The following CDHR2 variants were observed in gnomAD, a reference collection of about 807,000 sequenced individuals.
The protein encoded by CDHR2 is cadherin-related family member 2.
A neutral mutation model predicts 138.6 loss-of-function variants in CDHR2; 104 were observed. The observed-to-expected ratio is 0.75, with a 90% CI of 0.64 to 0.88. The LOEUF (loss-of-function observed/expected upper bound fraction) is 0.88, where lower values mean the gene tolerates loss of function less well. Among genes scored for constraint, CDHR2 ranks in the 40% least tolerant of loss-of-function variants. The probability of loss-of-function intolerance (pLI) is 0.00; values close to 1 mark genes in which losing one functional copy is unlikely to be tolerated. For missense variants in CDHR2, 1,624 were observed against 1,727.6 expected (o/e 0.94, Z 1.06); for synonymous variants, 755 against 742.8 (o/e 1.02, Z -0.27).
chr5:176,564,246 C>T lies in CDHR2; in HGVS notation c.-15-1092C>T, dbSNP rs185824884. Among the ~76,000 whole-genome samples, 131 of 152,176 alleles carry T rather than the reference C, an allele frequency of 8.6e-4. 1 individual carries two copies. Among genetic ancestry groups the T allele is most frequent in the African/African-American group, 3.0e-3 (124 of 41,520 alleles). On this transcript the variant is annotated intron_variant, in intron 1 of 31. Coordinates refer to ENST00000261944, the MANE Select transcript of CDHR2 (RefSeq NM_017675.6). ...TGTCTCCCAGGCTGGAATGCGATGG[C>T]GTGATCTCATCTCACTGCAACTTCC...
chr5:176,584,701 C>T lies in CDHR2; in HGVS notation c.2420C>T (p.Thr807Ile), dbSNP rs746641781. 14 of 1,614,188 alleles carry T rather than the reference C, an allele frequency of 8.7e-6. No homozygotes were observed. The South Asian group carries it at 8.8e-5, about 10-fold the overall frequency. ...NVKDVNDNPP[T>I]LDVASLRGIR... Reference sequence around the variant, plus strand: ...AAAGACGTGAACGACAATCCCCCCACCCTGGATGTAGCCTCACTCCGGGGC... The same window carrying T: ...AAAGACGTGAACGACAATCCCCCCATCCTGGATGTAGCCTCACTCCGGGGC... The change falls in exon 19 of 32, where the codon ACC (threonine) becomes ATC (isoleucine). Residue 807 changes from threonine to isoleucine, a missense_variant. Around this residue, in one of 3 missense-constraint regions of CDHR2, gnomAD observed 1,061 missense variants for 1,136.6 expected, o/e 0.93. Transcript: ENST00000261944.
intron 1 of CDHR2, among the ~76,000 whole-genome samples, chr5:176,563,374 G>A (rs958729932): frequency 2.6e-5 from 4 of 151,988 alleles, no homozygotes; most frequent in African/African-American, 7.2e-5. Context: ...AAAAGGCTGC[G>A]GTTATGGCTG....
intron 1 of CDHR2, among the ~76,000 whole-genome samples, chr5:176,554,727 C>T (rs1408957234): frequency 3.3e-5 from 5 of 152,214 alleles, no homozygotes; most frequent in Non-Finnish European, 5.9e-5. Flanking sequence ...GTGGCACGAT[C>T]TCGGCTCACT....
At chr5:176,595,467 C>T in intron 31 of CDHR2, 65 bp from the exon 32 acceptor site, 1 of 1,484,782 alleles carries the variant, frequency 6.7e-7, no homozygotes, top group Non-Finnish European at 9.0e-7. Context: ...ATCCACTCCC[C>T]TAGGGCCTGG....
intron 6 of CDHR2, among the ~76,000 whole-genome samples, chr5:176,572,161 A>C (rs560844240): frequency 1.3e-5 from 2 of 151,136 alleles, no homozygotes; most frequent in Non-Finnish European, 2.9e-5. Flanking sequence ...AGGTGGGCGG[A>C]TCACCTGAGG....
At position 176,576,859 on chromosome 5, in the gene CDHR2, G is replaced by A. The variant is rs1275469576; in HGVS notation, c.1195-540G>A. The stretch of plus-strand genomic sequence containing the variant: ...CCCAAAGTGCTGGGATTGCAGGCGT[G>A]AGCCACCGCGCCCAGCCATGGGAGG... On this transcript the variant is annotated intron_variant, in intron 12 of 31. Coordinates refer to ENST00000261944, the MANE Select transcript of CDHR2 (RefSeq NM_017675.6). The surrounding 1 kb of genome is among the most constrained non-coding windows in gnomAD (Gnocchi z 4.5). Among the ~76,000 whole-genome samples the A allele has an allele frequency of 2.0e-5, 3 of 152,170 alleles. No individual in the cohort carries two copies. The highest frequency in any genetic ancestry group is 4.4e-5 in the Non-Finnish European group (3 of 68,040).
chr5:176,550,385 A>G (rs1561863829), intron 1 of CDHR2, among the ~76,000 whole-genome samples: 1 of 151,754 alleles, frequency 6.6e-6, no homozygotes, highest in Non-Finnish European at 1.5e-5. Context: ...CGTGGCGGGG[A>G]GCTGCGTGCT....
At chr5:176,589,836 C>T (rs574714851) in intron 24 of CDHR2, among the ~76,000 whole-genome samples, 1 of 152,280 alleles carries the variant, frequency 6.6e-6, no homozygotes, top group Admixed American at 6.5e-5. Context: ...ACAAGGCTGC[C>T]GTGTACAGTT....
intron 31 of CDHR2, 116 bp downstream of exon 31, chr5:176,592,896 C>A (rs1758923778): frequency 2.3e-6 from 2 of 885,092 alleles, no homozygotes; most frequent in Admixed American, 1.9e-5. Flanking sequence ...TTCTCTGCAC[C>A]AGGCCCCAGG....
upstream of CDHR2, among the ~76,000 whole-genome samples, chr5:176,544,391 TTTTC>T (rs1294518014): frequency 5.3e-5 from 8 of 151,794 alleles, no homozygotes; most frequent in African/African-American, 1.2e-4. Flanking sequence ...TTCTTCCTTT[TTTTC>T]TTTCTTCTAT....
intron 1 of CDHR2, among the ~76,000 whole-genome samples, chr5:176,559,750 G>C (rs1757923909): frequency 6.6e-6 from 1 of 151,986 alleles, no homozygotes; most frequent in Admixed American, 6.6e-5. Context: ...TGTCAACTAG[G>C]GGTGATCTTA....
intron 1 of CDHR2, among the ~76,000 whole-genome samples, chr5:176,560,468 C>G (rs1380030276): frequency 6.6e-6 from 1 of 151,862 alleles, no homozygotes; most frequent in Non-Finnish European, 1.5e-5. Context: ...GGGGAGCAGA[C>G]ATAGTCCTCA....
intron 30 of CDHR2, among the ~76,000 whole-genome samples, chr5:176,592,451 CGGT>C (rs1197622799): frequency 1.1e-4 from 6 of 54,522 alleles, no homozygotes; most frequent in East Asian, 5.3e-4. Context: ...TGGATGATGA[CGGT>C]GGTGGTGGTG....
chr5:176,592,738 C>T lies in CDHR2; in HGVS notation c.3750C>T (p.Asp1250=), dbSNP rs139924459. 5.1e-5 allele frequency: 82 copies of T among 1,613,650 alleles called. No individual in the cohort carries two copies. Among genetic ancestry groups the T allele is most frequent in the African/African-American group, 2.0e-4 (15 of 74,826 alleles). Reference sequence around the variant, plus strand: ...TCTCTTACAGCGTCAACTCCCTGGACGACAACTCTGTGGATGTGGACAAGA... The same window carrying T: ...TCTCTTACAGCGTCAACTCCCTGGATGACAACTCTGTGGATGTGGACAAGA... ...DLDSVSVNSL[D]DNSVDVDKNS... is the part of the protein sequence containing the mutation. The change falls in exon 31 of 32, where the codon GAC becomes GAT. Residue 1250 remains aspartate, a synonymous_variant. Transcript: ENST00000261944.
At position 176,555,394 on chromosome 5, in the gene CDHR2, G is replaced by T. The variant is rs1050830880; in HGVS notation, c.-16+5980G>T. Among the ~76,000 whole-genome samples, 11 of 152,178 alleles carry T rather than the reference G, an allele frequency of 7.2e-5. 1 individual carries two copies. The highest frequency in any genetic ancestry group is 7.2e-4 in the Admixed American group (11 of 15,268). Reference sequence around the variant, plus strand: ...ATCCCACTCACTTTCAGCTGTGAGGGCCTCAGCGGAACACTCCCAGCAAGA... The same window carrying T: ...ATCCCACTCACTTTCAGCTGTGAGGTCCTCAGCGGAACACTCCCAGCAAGA... On this transcript the variant is annotated intron_variant, in intron 1 of 31. Transcript: ENST00000261944.
chr5:176,586,820 A>C lies in CDHR2; in HGVS notation c.2834A>C (p.Asn945Thr). The part of the protein sequence containing the change: ...FVIIPELVLP[N>T]REVASVRARD... ...ATCATCCCTGAACTCGTGCTGCCCA[A>C]CCGGGAGGTGGCTTCTGTCCGGGTA... is the stretch of plus-strand genomic sequence containing the variant. Residue 945 changes from asparagine to threonine, a missense_variant, in exon 21 of 32, where the codon AAC becomes ACC. By Grantham distance (65) the Asn-to-Thr change is moderately conservative. This residue lies in a region of CDHR2 where 556 missense variants were observed against 565.7 expected (regional missense o/e 0.98). Coordinates refer to ENST00000261944, the MANE Select transcript of CDHR2 (RefSeq NM_017675.6). 1 of 1,610,210 alleles carries C rather than the reference A, an allele frequency of 6.2e-7. No homozygotes were observed. The highest frequency in any genetic ancestry group is 1.3e-5 in the African/African-American group (1 of 75,014).
chr5:176,576,653 T>C lies in CDHR2; in HGVS notation c.1194+468T>C, dbSNP rs1458884565. 6.6e-6 allele frequency among the ~76,000 whole-genome samples: 1 copy of C among 151,400 alleles called. No homozygotes were observed. Among genetic ancestry groups the C allele is most frequent in the Non-Finnish European group, 1.5e-5 (1 of 67,860 alleles). ...GTGCAATGGCCCAATCTTGGCCCAC[T>C]GCAACCTCTGCCTCCCAGGTGGAAG... On this transcript the variant is annotated intron_variant, in intron 12 of 31. Transcript: ENST00000261944. This position sits in a 1 kb window ranked among gnomAD's most constrained non-coding sequence, Gnocchi z 4.5.
rs1581143361 is a variant in CDHR2, at chr5:176,578,465, C to T, written c.1675C>T (p.Gln559Ter). ...CCAGGCCGTGTACTACCTGACGCTG[C>T]AGGCCACAGACGGCGGGAACCTGTC... Reference protein sequence around the residue: ...ESQAVYYLTLQATDGGNLSSS... With the variant: ...ESQAVYYLTL The change falls in exon 16 of 32, where the codon CAG (glutamine) becomes TAG (stop). Residue 559 changes from glutamine to a stop codon, truncating the protein, a stop_gained. Transcript: ENST00000261944. LOFTEE classifies it high-confidence loss of function. 3 of 1,613,952 alleles carry T rather than the reference C, an allele frequency of 1.9e-6. No homozygotes were observed. The highest frequency in any genetic ancestry group is 2.5e-6 in the Non-Finnish European group (3 of 1,179,868).
chr5:176,589,045 T>C lies in CDHR2; in HGVS notation c.2871T>C (p.Asp957=). Residue 957 remains aspartate (D), a synonymous_variant, in exon 22 of 32, where the codon GAT becomes GAC. Transcript: ENST00000261944. Reference sequence around the variant, plus strand: ...CTTGCTCCCAGGCCAGAGACGATGATTCAGGGAACAATGGCGTCATCCTGT... The same window carrying C: ...CTTGCTCCCAGGCCAGAGACGATGACTCAGGGAACAATGGCGTCATCCTGT... The part of the protein sequence containing the change: ...EVASVRARDD[D]SGNNGVILFS... 1 of 1,614,052 alleles carries C rather than the reference T, an allele frequency of 6.2e-7. No individual in the cohort carries two copies. The highest frequency in any genetic ancestry group is 8.5e-7 in the Non-Finnish European group (1 of 1,179,984).
Sources: gnomAD v4.1 joint callset for allele counts (sites outside exome capture counted in the v4.1 genomes callset) on GRCh38, gnomAD v4.1.1 for gene constraint, gnomAD v4.1.1 regional missense constraint, Gnocchi (gnomAD v3.1) non-coding constraint, MANE v1.5 for transcripts, NCBI Gene and HGNC (gene_info 2026-07-23, HGNC 2026-07-21) for gene names.